Variants in MAP3K20 observed in about 807,000 individuals in gnomAD.
MAP3K20 encodes HCCS-4.
MAP3K20 carries 40 observed loss-of-function variants against 85.7 expected under a neutral mutation model. The observed-to-expected ratio is 0.47, with a 90% CI of 0.36 to 0.61. The LOEUF (loss-of-function observed/expected upper bound fraction) is 0.61. MAP3K20 is among the 20% of genes least tolerant of loss of function. MAP3K20 has a pLI of 0.00. For missense variants in MAP3K20, 817 were observed against 961.7 expected, an observed-to-expected ratio of 0.85 and a Z score of 1.99; for synonymous variants, 325 against 327.7, an observed-to-expected ratio of 0.99 and a Z score of 0.09.
intron 1 of MAP3K20, among the ~76,000 whole-genome samples, chr2:173,085,906 C>T (rs1687133426): frequency 7.0e-6 from 1 of 143,552 alleles, no homozygotes; most frequent in African/African-American, 2.6e-5. Flanking sequence ...AGCAATTCTC[C>T]TGCCTCAACC....
At chr2:173,080,275 T>C (rs1424381547) in intron 1 of MAP3K20, among the ~76,000 whole-genome samples, 2 of 152,202 alleles carry the variant, frequency 1.3e-5, no homozygotes. Flanking sequence ...TCAGCCACTG[T>C]ATCAATGTGG....
chr2:173,129,222 A>T (rs879926880), intron 2 of MAP3K20, among the ~76,000 whole-genome samples: 15 of 152,316 alleles, frequency 9.8e-5, no homozygotes, highest in Non-Finnish European at 1.5e-4. Flanking sequence ...AGCCAATTTT[A>T]GAAATCTTAA....
chr2:173,146,726 A>C (rs1689148662), intron 2 of MAP3K20, among the ~76,000 whole-genome samples: 1 of 152,226 alleles, frequency 6.6e-6, no homozygotes. Flanking sequence ...TATATACCTA[A>C]GAGTAGAAGT....
intron 2 of MAP3K20, among the ~76,000 whole-genome samples, chr2:173,111,144 T>C (rs1687963667): frequency 1.3e-5 from 2 of 152,220 alleles, no homozygotes; most frequent in South Asian, 4.1e-4. Context: ...TGAGGTGATA[T>C]CACACTGTGG....
chr2:173,264,734 C>T (rs984594405), intron 19 of MAP3K20, among the ~76,000 whole-genome samples: 3 of 151,948 alleles, frequency 2.0e-5, no homozygotes, highest in African/African-American at 7.3e-5. Context: ...GAAGTCAAGG[C>T]GAGGAAAGAA....
chr2:173,136,905 T>G (rs924279532), intron 2 of MAP3K20, among the ~76,000 whole-genome samples: 1 of 152,228 alleles, frequency 6.6e-6, no homozygotes, highest in African/African-American at 2.4e-5. Context: ...TCCTGCAGTT[T>G]GCCAGCTGCT....
At chr2:173,236,291 A>AG (rs1559293729) in intron 14 of MAP3K20, among the ~76,000 whole-genome samples, 1 of 140,672 alleles carries the variant, frequency 7.1e-6, no homozygotes, top group Non-Finnish European at 1.6e-5. Flanking sequence ...AAAAAAAAAA[A>AG]GGCAGGGACA....
At chr2:173,140,136 C>G (rs191349610) in intron 2 of MAP3K20, among the ~76,000 whole-genome samples, 1 of 151,966 alleles carries the variant, frequency 6.6e-6, no homozygotes, top group Non-Finnish European at 1.5e-5. Context: ...CTCAGCCTCC[C>G]GAGTAGCTGG....
intron 16 of MAP3K20, among the ~76,000 whole-genome samples, chr2:173,248,470 C>G (rs2106345110): frequency 6.6e-6 from 1 of 152,308 alleles, no homozygotes; most frequent in African/African-American, 2.4e-5. Flanking sequence ...AAATGCAGTT[C>G]AGAATTTTAC....
intron 16 of MAP3K20, among the ~76,000 whole-genome samples, chr2:173,244,342 G>A (rs1340046992): frequency 6.6e-6 from 1 of 152,178 alleles, no homozygotes; most frequent in Non-Finnish European, 1.5e-5. Flanking sequence ...GAAGAGGTTG[G>A]TGGGCAGTTG....
chr2:173,171,403 T>C (rs1159923634), intron 3 of MAP3K20, among the ~76,000 whole-genome samples: 1 of 152,224 alleles, frequency 6.6e-6, no homozygotes, highest in Admixed American at 6.5e-5. Context: ...TATTATATAC[T>C]CTTGATGTTT....
At chr2:173,088,893 A>G (rs1687214615) in intron 1 of MAP3K20, among the ~76,000 whole-genome samples, 1 of 152,212 alleles carries the variant, frequency 6.6e-6, no homozygotes, top group South Asian at 2.1e-4. Context: ...GGATACTATG[A>G]TCTTTCCCTC....
chr2:173,160,955 G>A (rs764898156), intron 2 of MAP3K20, among the ~76,000 whole-genome samples: 11 of 152,204 alleles, frequency 7.2e-5, no homozygotes, highest in Non-Finnish European at 1.3e-4. Flanking sequence ...GGTATTGAAT[G>A]TGGACTTGGC....
chr2:173,134,769 T>A (rs1347258760), intron 2 of MAP3K20, among the ~76,000 whole-genome samples: 2 of 152,080 alleles, frequency 1.3e-5, no homozygotes, highest in Admixed American at 1.3e-4. Flanking sequence ...CCATCCTTAT[T>A]ATGCTTAATA....
chr2:173,161,838 G>C (rs1168996166), intron 2 of MAP3K20, among the ~76,000 whole-genome samples: 1 of 152,142 alleles, frequency 6.6e-6, no homozygotes, highest in Non-Finnish European at 1.5e-5. Context: ...AGCCGTATCG[G>C]GAGAAAATCA....
intron 18 of MAP3K20, among the ~76,000 whole-genome samples, chr2:173,263,435 G>T (rs904441799): frequency 2.0e-5 from 3 of 152,070 alleles, no homozygotes; most frequent in Admixed American, 1.3e-4. Flanking sequence ...AATAAATTCT[G>T]GGAAAAGACA....
At chr2:173,262,313 C>T (rs1229317798) in intron 18 of MAP3K20, among the ~76,000 whole-genome samples, 1 of 152,038 alleles carries the variant, frequency 6.6e-6, no homozygotes, top group Non-Finnish European at 1.5e-5. Context: ...GAAATACAAA[C>T]CCTGGGCCAG....
At chr2:173,139,587 CCCT>C (rs1431345497) in intron 2 of MAP3K20, among the ~76,000 whole-genome samples, 2 of 152,090 alleles carry the variant, frequency 1.3e-5, no homozygotes, top group African/African-American at 2.4e-5. Flanking sequence ...CCTACTTTCC[CCCT>C]GATTGTTATC....
rs990821133 is a variant in MAP3K20 at position 173,220,202 on chromosome 2, T to G, written c.987+2952T>G. 1.3e-4 allele frequency among the ~76,000 whole-genome samples: 20 copies of G among 152,222 alleles called. 1 individual carries two copies. The highest frequency in any genetic ancestry group is 4.3e-4 in the African/African-American group (18 of 41,464). ...CCAAAAACATAAGCCTTGATTTGCT[T>G]GTTTCTCAAAAGAAGAGGCAGTAAC... On this transcript the variant is annotated intron_variant, in intron 11 of 19. Coordinates refer to ENST00000375213, the MANE Select transcript of MAP3K20 (RefSeq NM_016653.3).
Sources: allele counts gnomAD v4.1 joint callset (sites outside exome capture counted in the v4.1 genomes callset), GRCh38; gene constraint gnomAD v4.1.1; transcripts MANE v1.5; gene names NCBI Gene and HGNC (gene_info 2026-07-23, HGNC 2026-07-21).